The following ATXN1 variants were observed in gnomAD, a reference collection of about 807,000 sequenced individuals.
ATXN1 encodes the protein ataxin 1, also known as ataxin-1.
A neutral mutation model predicts 56.4 loss-of-function variants in ATXN1; 8 were observed. The ratio of observed to expected loss-of-function variants is 0.14; its 90% CI spans 0.08 to 0.26. The LOEUF is 0.26. ATXN1 is among the 10% of genes least tolerant of loss of function. The pLI is 1.00. For missense variants in ATXN1, 987 were observed against 1,106.5 expected, an observed-to-expected ratio of 0.89 and a Z score of 1.53; for synonymous variants, 514 against 494.6, an observed-to-expected ratio of 1.04 and a Z score of -0.52.
intron 6 of ATXN1, among the ~76,000 whole-genome samples, chr6:16,461,150 C>T (rs1759985920): frequency 6.6e-6 from 1 of 152,198 alleles, no homozygotes; most frequent in African/African-American, 2.4e-5. Context: ...GGCAGAACCT[C>T]CCATTAGAAA....
chr6:16,360,257 T>A (rs964582050), intron 6 of ATXN1, among the ~76,000 whole-genome samples: 3 of 152,200 alleles, frequency 2.0e-5, no homozygotes, highest in Non-Finnish European at 4.4e-5. Context: ...CCCACTGGAT[T>A]AAACTGTATG....
intron 3 of ATXN1, among the ~76,000 whole-genome samples, chr6:16,596,096 A>C (rs889994319): frequency 6.6e-6 from 1 of 152,198 alleles, no homozygotes; most frequent in African/African-American, 2.4e-5. Context: ...TCCTGGGCTC[A>C]AGCAATCCTC....
intron 4 of ATXN1, among the ~76,000 whole-genome samples, chr6:16,572,197 T>A (rs1285459460): frequency 6.6e-6 from 1 of 152,168 alleles, no homozygotes; most frequent in Non-Finnish European, 1.5e-5. Flanking sequence ...AACTTCCACT[T>A]ACAATTAACT....
At chr6:16,696,095 C>T (rs561388735) in intron 2 of ATXN1, among the ~76,000 whole-genome samples, 8 of 152,326 alleles carry the variant, frequency 5.3e-5, no homozygotes, top group African/African-American at 1.9e-4. Flanking sequence ...GGACAGCTCT[C>T]CTGGGCTCTC....
intron 6 of ATXN1, among the ~76,000 whole-genome samples, chr6:16,390,106 G>A (rs1016873166): frequency 1.1e-4 from 17 of 152,154 alleles, no homozygotes; most frequent in African/African-American, 3.9e-4. Flanking sequence ...TGGCTAACAC[G>A]AGCTTCCCAG....
chr6:16,755,716 TG>T (rs1760868085), intron 1 of ATXN1, among the ~76,000 whole-genome samples: 1 of 146,888 alleles, frequency 6.8e-6, no homozygotes, highest in African/African-American at 2.5e-5. Context: ...GGCACCTAAG[TG>T]TAAAAAAAAA....
chr6:16,367,333 T>TTCTCTCTC (rs754991999), intron 6 of ATXN1, among the ~76,000 whole-genome samples: 1 of 79,144 alleles, frequency 1.3e-5, no homozygotes, highest in East Asian at 3.9e-4. Context: ...AAGATTCTGT[T>TTCTCTCTC]TCTCTCTCTC....
chr6:16,433,097 C>A (rs947283724), intron 6 of ATXN1: 2 of 151,970 alleles, frequency 1.3e-5, no homozygotes, highest in African/African-American at 4.8e-5. Flanking sequence ...TGCATCAGAT[C>A]TAGAAACAGG....
At chr6:16,334,986 C>T (rs984842621) in intron 6 of ATXN1, among the ~76,000 whole-genome samples, 1 of 152,196 alleles carries the variant, frequency 6.6e-6, no homozygotes, top group African/African-American at 2.4e-5. Context: ...TGGGCTGCCT[C>T]ATGAGTCAGG....
chr6:16,504,992 C>CTTTTTTT (rs1760955124), intron 5 of ATXN1, among the ~76,000 whole-genome samples: 1 of 124,406 alleles, frequency 8.0e-6, no homozygotes, highest in Admixed American at 8.6e-5. Flanking sequence ...TCTCCTGTTT[C>CTTTTTTT]CTTTTTTTTT....
At chr6:16,450,047 G>A (rs1280719386) in intron 6 of ATXN1, among the ~76,000 whole-genome samples, 2 of 152,040 alleles carry the variant, frequency 1.3e-5, no homozygotes, top group South Asian at 2.1e-4. Context: ...TCCTTTATTC[G>A]TTTCATATGT....
At chr6:16,340,120 T>G (rs1184411253) in intron 6 of ATXN1, among the ~76,000 whole-genome samples, 1 of 152,198 alleles carries the variant, frequency 6.6e-6, no homozygotes, top group Non-Finnish European at 1.5e-5. Context: ...GTCTGGCCTT[T>G]GCCCCCACCT....
At chr6:16,412,511 C>A (rs1360956467) in intron 6 of ATXN1, among the ~76,000 whole-genome samples, 6 of 152,130 alleles carry the variant, frequency 3.9e-5, no homozygotes, top group African/African-American at 1.2e-4. Context: ...AAACTAAATT[C>A]AAATATCCAT....
intron 2 of ATXN1, among the ~76,000 whole-genome samples, chr6:16,697,702 G>C (rs986458194): frequency 2.7e-5 from 4 of 146,586 alleles, no homozygotes; most frequent in South Asian, 4.3e-4. Context: ...CTAGCTAAAT[G>C]AACAGTCTGC....
intron 6 of ATXN1, among the ~76,000 whole-genome samples, chr6:16,351,405 G>GT (rs35998688): frequency 0.22 from 31,371 of 139,720 alleles, 3,509 homozygotes; most frequent in East Asian, 0.47. Context: ...TAATTTCAGG[G>GT]TTTTTTTTTT....
intron 5 of ATXN1, among the ~76,000 whole-genome samples, chr6:16,513,093 C>T (rs551116584): frequency 5.3e-5 from 8 of 152,300 alleles, no homozygotes; most frequent in East Asian, 3.9e-4. Flanking sequence ...GTTTGGGGCA[C>T]GCAGAATCCC....
chr6:16,674,275 T>A (rs1352747989), intron 2 of ATXN1, among the ~76,000 whole-genome samples: 1 of 151,130 alleles, frequency 6.6e-6, no homozygotes, highest in African/African-American at 2.4e-5. Context: ...AATTCATCCA[T>A]ACTGCTGCTA....
chr6:16,524,478 C>T (rs1188663587), intron 4 of ATXN1, among the ~76,000 whole-genome samples: 5 of 152,324 alleles, frequency 3.3e-5, no homozygotes, highest in South Asian at 2.1e-4. Flanking sequence ...CTTGAGACCA[C>T]GAAAACTGAT....
chr6:16,592,108 C>G (rs1410893499), intron 3 of ATXN1, among the ~76,000 whole-genome samples: 1 of 152,092 alleles, frequency 6.6e-6, no homozygotes, highest in East Asian at 1.9e-4. Context: ...CTCCCCACCA[C>G]CAGCCTGTCA....
Sources: gnomAD v4.1 joint callset for allele counts (sites outside exome capture counted in the v4.1 genomes callset) on GRCh38, gnomAD v4.1.1 for gene constraint, MANE v1.5 for transcripts, NCBI Gene and HGNC (gene_info 2026-07-23, HGNC 2026-07-21) for gene names.